Variants in IFT57 observed in about 807,000 individuals in gnomAD.
IFT57 encodes intraflagellar transport 57, also known as intraflagellar transport protein 57 homolog.
Under a neutral mutation model 56.8 loss-of-function variants are expected in IFT57, and 59 were observed. The ratio of observed to expected loss-of-function variants is 1.04; its 90% CI spans 0.84 to 1.29. The LOEUF is 1.29. IFT57 is among the 50% of genes most tolerant of loss of function. The probability of loss-of-function intolerance (pLI) is 0.00; values close to 1 mark genes in which losing one functional copy is unlikely to be tolerated. For synonymous variants in IFT57, 209 were observed against 186.1 expected, an observed-to-expected ratio of 1.12 and a Z score of -1.00; for missense variants, 470 against 522.1, an observed-to-expected ratio of 0.90 and a Z score of 0.97.
chr3:108,207,045 G>T (rs1323920400), intron 4 of IFT57, among the ~76,000 whole-genome samples: 1 of 152,158 alleles, frequency 6.6e-6, no homozygotes, highest in Non-Finnish European at 1.5e-5. Flanking sequence ...GGCATATTTG[G>T]TATAAATAGA....
chr3:108,214,063 T>G (rs1393554404), intron 3 of IFT57, 42 bp from the exon 4 acceptor site: 4 of 1,206,842 alleles, frequency 3.3e-6, no homozygotes, highest in Non-Finnish European at 3.6e-6. Context: ...ATTTTAATAT[T>G]TAGTAAGACA....
intron 6 of IFT57, among the ~76,000 whole-genome samples, chr3:108,185,857 C>G (rs1482368335): frequency 6.6e-6 from 1 of 152,064 alleles, no homozygotes; most frequent in Non-Finnish European, 1.5e-5. Flanking sequence ...ACTGAGAACC[C>G]CTTTTCTGGA....
intron 6 of IFT57, among the ~76,000 whole-genome samples, chr3:108,176,728 A>G (rs2080125869): frequency 6.6e-6 from 1 of 151,828 alleles, no homozygotes; most frequent in African/African-American, 2.4e-5. Context: ...GCTTCAGTAC[A>G]GTTTCTTCTG....
At chr3:108,209,326 T>C (rs2080330668) in intron 4 of IFT57, among the ~76,000 whole-genome samples, 1 of 152,244 alleles carries the variant, frequency 6.6e-6, no homozygotes, top group Non-Finnish European at 1.5e-5. Context: ...TTATGGACTT[T>C]ATCTCCTCTT....
At chr3:108,168,141 C>A (rs2080072217) in intron 6 of IFT57, among the ~76,000 whole-genome samples, 1 of 151,726 alleles carries the variant, frequency 6.6e-6, no homozygotes, top group South Asian at 2.1e-4. Context: ...TTTATGACTA[C>A]CCATTAAAAT....
At chr3:108,190,237 G>A (rs1285048014) in intron 6 of IFT57, among the ~76,000 whole-genome samples, 1 of 152,170 alleles carries the variant, frequency 6.6e-6, no homozygotes, top group Non-Finnish European at 1.5e-5. Flanking sequence ...AAGACTTTGG[G>A]GGACTGTCAG....
chr3:108,217,193 C>T (rs567857046), intron 3 of IFT57, among the ~76,000 whole-genome samples: 13 of 152,016 alleles, frequency 8.6e-5, no homozygotes. Flanking sequence ...TGTATCGAAA[C>T]ATCACATTGT....
intron 6 of IFT57, among the ~76,000 whole-genome samples, chr3:108,179,811 C>T (rs2080142689): frequency 6.6e-6 from 1 of 151,832 alleles, no homozygotes; most frequent in South Asian, 2.1e-4. Flanking sequence ...TTTTTTCTTC[C>T]ATTGCCAGCA....
At chr3:108,165,798 GGGCTCTT>G (rs1423654141) in intron 8 of IFT57, among the ~76,000 whole-genome samples, 1 of 151,964 alleles carries the variant, frequency 6.6e-6, no homozygotes, top group African/African-American at 2.4e-5. Flanking sequence ...TTTAGGAGAG[GGGCTCTT>G]GGTCAATCTA....
chr3:108,210,790 A>C (rs2108325967), intron 4 of IFT57, among the ~76,000 whole-genome samples: 1 of 152,278 alleles, frequency 6.6e-6, no homozygotes, highest in East Asian at 1.9e-4. Context: ...TAAAGAAGAA[A>C]AGAAATTCAA....
rs9858720 is a variant in IFT57, at chr3:108,167,919, C to A, written c.778-55G>T. On this transcript the variant is annotated intron_variant, in intron 6 of 10. Coordinates refer to ENST00000264538, the MANE Select transcript of IFT57 (RefSeq NM_018010.4). ...TAAAAAATACTACATTTCCATCTTT[C>A]CCTACTTCTTGTGAAGTTGTAACCT... 1,242 of 1,343,508 alleles carry A rather than the reference C, an allele frequency of 9.2e-4. 10 individuals carry two copies. The African/African-American group carries it at 0.017, about 18-fold the overall frequency. 83.2% of individuals were successfully genotyped at this position (1,343,508 alleles called of 1,614,324 possible). A position where few individuals can be genotyped will look rare whatever the true frequency, so the allele number is the denominator to read the frequency against.
chr3:108,192,479 T>C (rs1186214580), intron 5 of IFT57, among the ~76,000 whole-genome samples: 2 of 152,130 alleles, frequency 1.3e-5, no homozygotes, highest in Admixed American at 6.6e-5. Flanking sequence ...GGCCTACTCT[T>C]TTCTTTTTTC....
chr3:108,191,769 G>C, intron 5 of IFT57, 126 bp from the exon 6 acceptor site: 1 of 512,216 alleles, frequency 2.0e-6, no homozygotes, highest in Non-Finnish European at 3.2e-6. Context: ...AGTGGAAGAA[G>C]AAATTATTTT....
In IFT57 at chr3:108,218,651, TC is replaced by T. The variant is rs773703593; in HGVS notation, c.377del (p.Gly126GlufsTer11). ...TTGAAGGAGGAAAATCTGCAGTTCTTCCCTGAAAAACAAAAGAAAAAACAGG... is the reference window on the plus strand; with the variant it reads ...TTGAAGGAGGAAAATCTGCAGTTCTTCCTGAAAAACAAAAGAAAAAACAGG... ...SNILSELRSF[G>X]RTADFPPSKL... On this transcript the variant is annotated frameshift_variant and splice_region_variant, in exon 3 of 11. Coordinates refer to ENST00000264538, the MANE Select transcript of IFT57 (RefSeq NM_018010.4). LOFTEE classifies it high-confidence loss of function. 6 of 1,463,732 alleles carry T rather than the reference TC, an allele frequency of 4.1e-6. No homozygotes were observed. In the East Asian group the frequency reaches 1.3e-4, roughly 31 times the overall value. The allele number at this position is 1,463,732 out of a possible 1,614,324, so 90.7% of individuals were successfully genotyped here. A position where few individuals can be genotyped will look rare whatever the true frequency, so the allele number is the denominator to read the frequency against.
At chr3:108,209,965 G>T (rs2080335089) in intron 4 of IFT57, among the ~76,000 whole-genome samples, 1 of 151,894 alleles carries the variant, frequency 6.6e-6, no homozygotes, top group African/African-American at 2.4e-5. Flanking sequence ...TTCCTCTGAA[G>T]AACTCAAACT....
In IFT57 at chr3:108,192,352, G is replaced by A. The variant is rs116690369; in HGVS notation, c.655-709C>T. Among the ~76,000 whole-genome samples, 839 of 152,078 alleles carry A rather than the reference G, an allele frequency of 5.5e-3. 8 individuals are homozygous for A. The highest frequency in any genetic ancestry group is 0.019 in the African/African-American group (793 of 41,518). Reference sequence around the variant, plus strand: ...GTCAAATTACAATATAGCTTAAAGCGTAATTTAATATAGACATACTTGAAC... The same window carrying A: ...GTCAAATTACAATATAGCTTAAAGCATAATTTAATATAGACATACTTGAAC... On this transcript the variant is annotated intron_variant, in intron 5 of 10. Coordinates refer to ENST00000264538, the MANE Select transcript of IFT57 (RefSeq NM_018010.4).
intron 6 of IFT57, among the ~76,000 whole-genome samples, chr3:108,179,517 A>G (rs1363472414): frequency 6.6e-6 from 1 of 151,998 alleles, no homozygotes; most frequent in African/African-American, 2.4e-5. Context: ...CTAATAAAAG[A>G]ACATTATCTG....
intron 6 of IFT57, among the ~76,000 whole-genome samples, chr3:108,190,335 C>T (rs1254060000): frequency 1.3e-5 from 2 of 152,144 alleles, no homozygotes; most frequent in African/African-American, 2.4e-5. Context: ...GTGTCCCCAC[C>T]CAAATCTCAT....
chr3:108,171,905 G>C (rs904454055), intron 6 of IFT57, among the ~76,000 whole-genome samples: 6 of 151,616 alleles, frequency 4.0e-5, no homozygotes, highest in African/African-American at 1.5e-4. Context: ...AACAGTCTCT[G>C]TTTCTCTTTG....
Sources: gnomAD v4.1 joint callset for allele counts (sites outside exome capture counted in the v4.1 genomes callset) on GRCh38, gnomAD v4.1.1 for gene constraint, MANE v1.5 for transcripts, NCBI Gene and HGNC (gene_info 2026-07-23, HGNC 2026-07-21) for gene names.